IQGAP2: variants seen among roughly 807,000 people sequenced by gnomAD.
IQGAP2 encodes IQ motif containing GTPase activating protein 2, also known as ras GTPase-activating-like protein IQGAP2.
IQGAP2 carries 173 observed loss-of-function variants against 201.3 expected under a neutral mutation model. That is an observed-to-expected ratio of 0.86 (90% CI 0.76 to 0.98). The LOEUF is 0.98. Ranked by LOEUF, IQGAP2 falls within the 50% of genes least tolerant of loss-of-function variation. The pLI, the probability that IQGAP2 is intolerant of heterozygous loss-of-function variation, is 0.00. For missense variants in IQGAP2, 1,687 were observed against 1,864.8 expected, an observed-to-expected ratio of 0.90 and a Z score of 1.76; for synonymous variants, 675 against 673.9, an observed-to-expected ratio of 1.00 and a Z score of -0.03.
At position 76,458,882 on chromosome 5, in the gene IQGAP2, T is replaced by A. The variant is rs543238909; in HGVS notation, c.47-2688T>A. 4.6e-5 allele frequency among the ~76,000 whole-genome samples: 7 copies of A among 152,290 alleles called. No homozygotes were observed. In the South Asian group the frequency reaches 1.5e-3, roughly 32 times the overall value. On this transcript the variant is annotated intron_variant, in intron 1 of 35. Transcript: ENST00000274364. Reference sequence around the variant, plus strand: ...CCCGATAAGATATTTTATTTTTTCATCATATATTTTTACAGAGCATGCAGC... The same window carrying A: ...CCCGATAAGATATTTTATTTTTTCAACATATATTTTTACAGAGCATGCAGC...
chr5:76,525,610 C>T (rs574678258), intron 2 of IQGAP2, among the ~76,000 whole-genome samples: 1 of 152,266 alleles, frequency 6.6e-6, no homozygotes, highest in East Asian at 1.9e-4. Context: ...CAGTAGTTCT[C>T]ATATTTTCTG....
intron 1 of IQGAP2, among the ~76,000 whole-genome samples, chr5:76,424,394 G>A (rs1409540884): frequency 1.3e-5 from 2 of 151,888 alleles, no homozygotes; most frequent in African/African-American, 4.8e-5. Context: ...TACAACCTCC[G>A]CCTCCCTGGT....
intron 2 of IQGAP2, among the ~76,000 whole-genome samples, chr5:76,560,825 T>TG (rs1744314540): frequency 6.6e-6 from 1 of 152,222 alleles, no homozygotes. Context: ...GTTGGAAATA[T>TG]GTTCAAAGAC....
At position 76,661,932 on chromosome 5, in the gene IQGAP2, A is replaced by G. The variant is rs1743286258; in HGVS notation, c.2530-3094A>G. ...GGAAAGGTGGTGGCAAAAGGGCAAT[A>G]CTGAGATGGGGGACTATCATGAACA... On this transcript the variant is annotated intron_variant, in intron 21 of 35. Coordinates refer to ENST00000274364, the MANE Select transcript of IQGAP2 (RefSeq NM_006633.5). 2.0e-5 allele frequency among the ~76,000 whole-genome samples: 3 copies of G among 152,362 alleles called. No individual in the cohort carries two copies. The South Asian group carries it at 6.2e-4, about 32-fold the overall frequency.
At chr5:76,555,133 G>C (rs1244441698) in intron 2 of IQGAP2, among the ~76,000 whole-genome samples, 1 of 152,176 alleles carries the variant, frequency 6.6e-6, no homozygotes, top group Admixed American at 6.5e-5. Context: ...TAGTGTGTTA[G>C]GGGCTTGGGG....
At position 76,481,386 on chromosome 5, in the gene IQGAP2, GT is replaced by G. The variant is rs780254641; in HGVS notation, c.146+19730del. Among the ~76,000 whole-genome samples the G allele has an allele frequency of 1.6e-3, 239 of 145,652 alleles. 3 individuals carry two copies. Among genetic ancestry groups the G allele is most frequent in the East Asian group, 0.015 (77 of 5,026 alleles). On this transcript the variant is annotated intron_variant, in intron 2 of 35. Transcript: ENST00000274364. ...AATACATAATCAATGTACAAAAAAA[GT>G]TTTTTTTTTTTTCGAGATGGAGTCT...
At chr5:76,587,020 G>T (rs909941219) in intron 5 of IQGAP2, among the ~76,000 whole-genome samples, 2 of 152,136 alleles carry the variant, frequency 1.3e-5, no homozygotes, top group African/African-American at 4.8e-5. Context: ...ACCCAGGAAG[G>T]CCCAAAGATA....
rs115631027 is a variant in IQGAP2 at position 76,570,615 on chromosome 5, C to T, written c.339C>T (p.Thr113=). The change falls in exon 4 of 36, where the codon ACC becomes ACT. Residue 113 remains threonine, a synonymous_variant. Coordinates refer to ENST00000274364, the MANE Select transcript of IQGAP2 (RefSeq NM_006633.5). ...SGLHFRHTDN[T]VQWLRAMESI... is the part of the protein sequence containing the mutation. ...TTCATTTTCGACACACAGATAATAC[C>T]GTCCAGTGGTTAAGAGCGATGGAGT... 1,049 of 1,613,702 alleles carry T rather than the reference C, an allele frequency of 6.5e-4. 12 individuals are homozygous for T. In the African/African-American group the frequency reaches 0.012, roughly 19 times the overall value.
At position 76,530,285 on chromosome 5, in the gene IQGAP2, G is replaced by A. The variant is rs547285384; in HGVS notation, c.147-32111G>A. Reference sequence around the variant, plus strand: ...AAAAAATATCCTTGACCCACAGGCTGTATGTGCCAATCCCTGGTACATAAC... The same window carrying A: ...AAAAAATATCCTTGACCCACAGGCTATATGTGCCAATCCCTGGTACATAAC... On this transcript the variant is annotated intron_variant, in intron 2 of 35. Transcript: ENST00000274364. 2.6e-5 allele frequency among the ~76,000 whole-genome samples: 4 copies of A among 152,302 alleles called. No homozygotes were observed. In the South Asian group the frequency reaches 8.3e-4, roughly 32 times the overall value.
chr5:76,563,149 G>C (rs2150256014), intron 3 of IQGAP2, among the ~76,000 whole-genome samples: 1 of 152,258 alleles, frequency 6.6e-6, no homozygotes, highest in South Asian at 2.1e-4. Flanking sequence ...AGGATTGCTT[G>C]AGCCCAGGAG....
chr5:76,575,024 A>G (rs1465296134), intron 4 of IQGAP2, among the ~76,000 whole-genome samples: 1 of 152,208 alleles, frequency 6.6e-6, no homozygotes, highest in Admixed American at 6.5e-5. Flanking sequence ...ACTAAGTACA[A>G]TTTTGTTTTC....
At chr5:76,674,392 A>C in intron 26 of IQGAP2, 85 bp from the exon 27 acceptor site, 1 of 735,008 alleles carries the variant, frequency 1.4e-6, no homozygotes, top group Non-Finnish European at 2.3e-6. Context: ...ATGTAGGAGA[A>C]TATATATCTT....
chr5:76,631,546 A>G (rs933413917), intron 14 of IQGAP2, among the ~76,000 whole-genome samples: 2 of 152,212 alleles, frequency 1.3e-5, no homozygotes, highest in Non-Finnish European at 2.9e-5. Flanking sequence ...ACAGCTACAT[A>G]TCTATGTTCG....
intron 5 of IQGAP2, among the ~76,000 whole-genome samples, chr5:76,586,895 G>A (rs1746285923): frequency 6.6e-6 from 1 of 152,208 alleles, no homozygotes; most frequent in African/African-American, 2.4e-5. Flanking sequence ...AAGTGGGTTT[G>A]AGCCTTCCTG....
intron 15 of IQGAP2, among the ~76,000 whole-genome samples, chr5:76,634,043 A>AT (rs1207907134): frequency 1.3e-5 from 2 of 151,606 alleles, no homozygotes; most frequent in Non-Finnish European, 2.9e-5. Context: ...CGTACAACTG[A>AT]TTTTTGTATA....
intron 5 of IQGAP2, among the ~76,000 whole-genome samples, chr5:76,585,129 T>C (rs371222278): frequency 3.3e-5 from 5 of 152,304 alleles, no homozygotes; most frequent in African/African-American, 1.2e-4. Context: ...ATCTCAATAT[T>C]CCACAGGTGG....
At chr5:76,434,071 C>T (rs1003235815) in intron 1 of IQGAP2, among the ~76,000 whole-genome samples, 2 of 152,160 alleles carry the variant, frequency 1.3e-5, no homozygotes, top group Non-Finnish European at 2.9e-5. Flanking sequence ...AAAAAATAAT[C>T]TAAAAGTAAT....
chr5:76,404,181 T>A (rs1750669142), intron 1 of IQGAP2, among the ~76,000 whole-genome samples: 1 of 150,516 alleles, frequency 6.6e-6, no homozygotes, highest in Non-Finnish European at 1.5e-5. Flanking sequence ...CCAACCCCTT[T>A]CCCCCCCGCT....
intron 21 of IQGAP2, among the ~76,000 whole-genome samples, chr5:76,661,615 T>C (rs1743256283): frequency 1.3e-5 from 2 of 152,194 alleles, no homozygotes; most frequent in East Asian, 3.8e-4. Flanking sequence ...TCTTAACCTC[T>C]CTCTGAGTGT....
Sources: gnomAD v4.1 joint callset for allele counts (sites outside exome capture counted in the v4.1 genomes callset) on GRCh38, gnomAD v4.1.1 for gene constraint, MANE v1.5 for transcripts, NCBI Gene and HGNC (gene_info 2026-07-23, HGNC 2026-07-21) for gene names.